The following MB21D2 variants were observed in gnomAD, a reference collection of about 807,000 sequenced individuals.
The protein encoded by MB21D2 is Mab-21 domain containing 2.
In MB21D2, 9 loss-of-function variants were observed where a neutral mutation model predicts 33.3. The observed-to-expected ratio is 0.27, with a 90% CI of 0.16 to 0.47. The LOEUF is 0.47. MB21D2 is among the 20% of genes least tolerant of loss of function. The probability of loss-of-function intolerance (pLI) is 0.99; values close to 1 mark genes in which losing one functional copy is unlikely to be tolerated. For missense variants in MB21D2, 540 were observed against 624.6 expected (o/e 0.86, Z 1.44); for synonymous variants, 241 against 236.3 (o/e 1.02, Z -0.18).
At chr3:192,845,623 T>G (rs1712666045) in intron 1 of MB21D2, among the ~76,000 whole-genome samples, 1 of 152,214 alleles carries the variant, frequency 6.6e-6, no homozygotes, top group East Asian at 1.9e-4. Context: ...AATCTCTGCC[T>G]TCACCACAGT....
intron 1 of MB21D2, among the ~76,000 whole-genome samples, chr3:192,857,221 T>C (rs1326125251): frequency 2.6e-5 from 4 of 152,144 alleles, no homozygotes; most frequent in Non-Finnish European, 5.9e-5. Context: ...AGAGAAGCAA[T>C]TGAAGGCTCA....
chr3:192,849,712 A>T (rs993209730), intron 1 of MB21D2, among the ~76,000 whole-genome samples: 4 of 151,042 alleles, frequency 2.6e-5, no homozygotes, highest in Non-Finnish European at 4.4e-5. Context: ...TCTATTAAAT[A>T]AAAAAAACTA....
intron 1 of MB21D2, among the ~76,000 whole-genome samples, chr3:192,838,076 G>A (rs781034566): frequency 7.9e-5 from 12 of 152,340 alleles, no homozygotes; most frequent in East Asian, 1.9e-4. Flanking sequence ...AACATCACTC[G>A]TGGCTGGAGC....
At chr3:192,898,339 A>C (rs752051093) in intron 1 of MB21D2, among the ~76,000 whole-genome samples, 1 of 151,956 alleles carries the variant, frequency 6.6e-6, no homozygotes, top group African/African-American at 2.4e-5. Flanking sequence ...ACAGGTGTGC[A>C]TCACTATCTC....
rs537628429 is a variant in MB21D2, at chr3:192,812,716, A to G, written c.212-13066T>C. 2.0e-5 allele frequency among the ~76,000 whole-genome samples: 3 copies of G among 152,326 alleles called. No individual in the cohort carries two copies. In the South Asian group the frequency reaches 6.2e-4, roughly 32 times the overall value. ...CGTCTCCTCTTGTTCTTTGAGGATA[A>G]TTTAGCTCTAGGACATTCTCCAAAG... On this transcript the variant is annotated intron_variant, in intron 1 of 1. Coordinates refer to ENST00000392452, the MANE Select transcript of MB21D2 (RefSeq NM_178496.4).
At chr3:192,805,759 A>G (rs748313849) in intron 1 of MB21D2, among the ~76,000 whole-genome samples, 2 of 152,246 alleles carry the variant, frequency 1.3e-5, no homozygotes, top group Non-Finnish European at 2.9e-5. Context: ...AAAAGTAAGT[A>G]AACGCATATA....
intron 1 of MB21D2, among the ~76,000 whole-genome samples, chr3:192,839,041 T>C (rs1236370252): frequency 6.6e-6 from 1 of 152,202 alleles, no homozygotes; most frequent in East Asian, 1.9e-4. Context: ...TTACGACCTT[T>C]TTCTTTTACA....
intron 1 of MB21D2, among the ~76,000 whole-genome samples, chr3:192,811,249 T>C (rs1348184837): frequency 2.0e-5 from 3 of 152,224 alleles, no homozygotes; most frequent in African/African-American, 7.2e-5. Flanking sequence ...GACAGAATCT[T>C]TATTGGCTTT....
intron 1 of MB21D2, among the ~76,000 whole-genome samples, chr3:192,811,220 A>G (rs1157014381): frequency 6.6e-6 from 1 of 152,254 alleles, no homozygotes; most frequent in African/African-American, 2.4e-5. Context: ...AGATGAACCC[A>G]TTCAATAGCT....
chr3:192,830,036 G>A (rs1187463623), intron 1 of MB21D2, among the ~76,000 whole-genome samples: 1 of 152,036 alleles, frequency 6.6e-6, no homozygotes, highest in Non-Finnish European at 1.5e-5. Flanking sequence ...ATAATTTTTT[G>A]TGCTTTTTAT....
chr3:192,799,006 C>T lies in MB21D2; in HGVS notation c.856G>A (p.Glu286Lys), dbSNP rs1720585816. ...ACSYKGKKDN[E>K]WRLSFARSEV... ...CTCCTGGCAAAGGACAGCCGCCATT[C>T]ATTGTCCTTCTTACCCTTGTAGGAG... The change falls in exon 2 of 2, where the codon GAA becomes AAA. Residue 286 changes from glutamate (E) to lysine (K), a missense_variant. Physicochemically the swap from Glu to Lys is moderately conservative, Grantham distance 56. Coordinates refer to ENST00000392452, the MANE Select transcript of MB21D2 (RefSeq NM_178496.4). This position sits in a 1 kb window ranked among gnomAD's most constrained non-coding sequence, Gnocchi z 4.1. The T allele has an allele frequency of 6.2e-7, 1 of 1,614,028 alleles. No homozygotes were observed. The highest frequency in any genetic ancestry group is 8.5e-7 in the Non-Finnish European group (1 of 1,180,048).
chr3:192,873,084 C>T (rs146282541), intron 1 of MB21D2, among the ~76,000 whole-genome samples: 1 of 152,206 alleles, frequency 6.6e-6, no homozygotes, highest in East Asian at 1.9e-4. Flanking sequence ...CACCAATGGG[C>T]GTGGAGTCTG....
intron 1 of MB21D2, among the ~76,000 whole-genome samples, chr3:192,894,637 T>G (rs1488821690): frequency 6.6e-6 from 1 of 151,448 alleles, no homozygotes; most frequent in Non-Finnish European, 1.5e-5. Flanking sequence ...CATAACACAG[T>G]GTCATTTTTT....
Position 192,798,188 on chromosome 3 carries a change from A to G in MB21D2, c.*198T>C. The G allele has an allele frequency of 1.7e-6, 1 of 579,918 alleles. No individual in the cohort carries two copies. The highest frequency in any genetic ancestry group is 3.3e-5 in the Admixed American group (1 of 30,548). 35.9% of individuals were successfully genotyped at this position (579,918 alleles called of 1,614,324 possible). ...TGACAATAACTACAAAAAGTAAACA[A>G]CGAAATCAGAGGCAGAATATGAAAT... On this transcript the variant is annotated 3_prime_UTR_variant, in exon 2 of 2. Transcript: ENST00000392452. This position sits in a 1 kb window ranked among gnomAD's most constrained non-coding sequence, Gnocchi z 4.8.
intron 1 of MB21D2, among the ~76,000 whole-genome samples, chr3:192,909,781 A>C (rs1043177631): frequency 2.0e-5 from 3 of 151,554 alleles, no homozygotes; most frequent in African/African-American, 7.3e-5. Context: ...AAATACAAAA[A>C]ATTAGCTAGG....
intron 1 of MB21D2, among the ~76,000 whole-genome samples, chr3:192,898,756 G>A (rs1447552183): frequency 6.6e-6 from 1 of 152,172 alleles, no homozygotes; most frequent in Non-Finnish European, 1.5e-5. Flanking sequence ...ATTCATAACC[G>A]ACTGGTGCAA....
At chr3:192,862,735 A>G (rs1221371563) in intron 1 of MB21D2, among the ~76,000 whole-genome samples, 1 of 152,220 alleles carries the variant, frequency 6.6e-6, no homozygotes, top group East Asian at 1.9e-4. Context: ...GCGGACATAC[A>G]CAGATGGGAG....
At chr3:192,891,844 G>A (rs1713859318) in intron 1 of MB21D2, among the ~76,000 whole-genome samples, 2 of 152,040 alleles carry the variant, frequency 1.3e-5, no homozygotes, top group South Asian at 2.1e-4. Context: ...TCCCAAAAAT[G>A]TGATCCATGA....
At chr3:192,850,752 C>T (rs994269332) in intron 1 of MB21D2, among the ~76,000 whole-genome samples, 6 of 152,170 alleles carry the variant, frequency 3.9e-5, no homozygotes, top group Non-Finnish European at 5.9e-5. Context: ...CACCATAATC[C>T]GAAGGGCAGT....
Sources: gnomAD v4.1 joint callset for allele counts (sites outside exome capture counted in the v4.1 genomes callset) on GRCh38, gnomAD v4.1.1 for gene constraint, Gnocchi (gnomAD v3.1) non-coding constraint, MANE v1.5 for transcripts, NCBI Gene and HGNC (gene_info 2026-07-23, HGNC 2026-07-21) for gene names.